The following IGFBP7 variants were observed in gnomAD, a reference collection of about 807,000 sequenced individuals.
The protein encoded by IGFBP7 is insulin-like growth factor-binding protein 7.
A neutral mutation model predicts 29.4 loss-of-function variants in IGFBP7; 31 were observed. That is an observed-to-expected ratio of 1.05 (90% CI 0.79 to 1.42). The LOEUF (loss-of-function observed/expected upper bound fraction) is 1.42, where lower values mean the gene tolerates loss of function less well. Among genes scored for constraint, IGFBP7 ranks in the 40% most tolerant of loss-of-function variants. The pLI is 0.00. For synonymous variants in IGFBP7, 172 were observed against 174.9 expected (o/e 0.98, Z 0.13); for missense variants, 393 against 395.5 (o/e 0.99, Z 0.05).
intron 1 of IGFBP7, among the ~76,000 whole-genome samples, chr4:57,048,066 T>A (rs1271036735): frequency 6.6e-6 from 1 of 151,188 alleles, no homozygotes; most frequent in Non-Finnish European, 1.5e-5. Flanking sequence ...CCCTTTTTTT[T>A]TTTGAGACGG....
intron 1 of IGFBP7, among the ~76,000 whole-genome samples, chr4:57,057,161 A>G (rs577905370): frequency 1.3e-5 from 2 of 152,260 alleles, no homozygotes; most frequent in South Asian, 4.1e-4. Context: ...ACATACCACC[A>G]TCCCTGGCTA....
At chr4:57,054,805 G>A (rs1378118632) in intron 1 of IGFBP7, among the ~76,000 whole-genome samples, 2 of 152,120 alleles carry the variant, frequency 1.3e-5, no homozygotes, top group Non-Finnish European at 2.9e-5. Context: ...AACTCCCTGG[G>A]AGGATGCTAC....
intron 1 of IGFBP7, among the ~76,000 whole-genome samples, chr4:57,083,988 G>A (rs1725436060): frequency 6.6e-6 from 1 of 152,138 alleles, no homozygotes; most frequent in Non-Finnish European, 1.5e-5. Context: ...ATTACTTTGT[G>A]TGAAAAGCAT....
At chr4:57,032,342 G>A (rs112110071) in intron 4 of IGFBP7, 84 bp downstream of exon 4, 18 of 1,552,122 alleles carry the variant, frequency 1.2e-5, no homozygotes, top group African/African-American at 4.1e-5. Flanking sequence ...CAATAGCTAC[G>A]TCTGATACTT....
chr4:57,105,108 T>C (rs369093830), intron 1 of IGFBP7, among the ~76,000 whole-genome samples: 2 of 152,188 alleles, frequency 1.3e-5, no homozygotes. Flanking sequence ...AGGTCTATAG[T>C]AGCCAACTTG....
At chr4:57,095,972 G>A (rs369811372) in intron 1 of IGFBP7, among the ~76,000 whole-genome samples, 26 of 152,088 alleles carry the variant, frequency 1.7e-4, no homozygotes, top group African/African-American at 4.8e-4. Context: ...AGTGCCTACC[G>A]TATCCCAAGG....
chr4:57,109,837 C>T (rs1726131189), intron 1 of IGFBP7, 40 bp downstream of exon 1: 5 of 1,521,766 alleles, frequency 3.3e-6, no homozygotes, highest in African/African-American at 1.4e-5. Flanking sequence ...TTCGCTGGGC[C>T]GAGCGGCGCA....
At chr4:57,055,354 A>T (rs995280267) in intron 1 of IGFBP7, among the ~76,000 whole-genome samples, 3 of 152,054 alleles carry the variant, frequency 2.0e-5, no homozygotes, top group African/African-American at 7.2e-5. Context: ...CTTAAAAAAA[A>T]CTCCCTAGGT....
chr4:57,068,787 C>T (rs925929887), intron 1 of IGFBP7, among the ~76,000 whole-genome samples: 1 of 152,188 alleles, frequency 6.6e-6, no homozygotes, highest in African/African-American at 2.4e-5. Context: ...GAGAAAGGGA[C>T]AGATTGTGTT....
chr4:57,039,643 C>T (rs1426042224), intron 2 of IGFBP7, among the ~76,000 whole-genome samples: 2 of 128,664 alleles, frequency 1.6e-5, no homozygotes, highest in Admixed American at 8.1e-5. Flanking sequence ...AATTCACACT[C>T]TTTTTTTTTT....
intron 1 of IGFBP7, among the ~76,000 whole-genome samples, chr4:57,078,712 A>G (rs1025755176): frequency 2.0e-5 from 3 of 150,794 alleles, no homozygotes; most frequent in Non-Finnish European, 4.4e-5. Context: ...GAGCTCTACC[A>G]TGTTCCTTTG....
chr4:57,041,693 G>A (rs1005183978), intron 1 of IGFBP7, among the ~76,000 whole-genome samples: 7 of 152,018 alleles, frequency 4.6e-5, no homozygotes, highest in South Asian at 2.1e-4. Context: ...GCACCACCAT[G>A]TCAGTTAATT....
intron 1 of IGFBP7, among the ~76,000 whole-genome samples, chr4:57,067,441 A>G (rs749800183): frequency 6.6e-6 from 1 of 152,252 alleles, no homozygotes; most frequent in Non-Finnish European, 1.5e-5. Context: ...GAAAGAAGCC[A>G]GTCCCAGAAG....
chr4:57,053,228 G>C (rs1167838630), intron 1 of IGFBP7, among the ~76,000 whole-genome samples: 1 of 152,092 alleles, frequency 6.6e-6, no homozygotes, highest in East Asian at 1.9e-4. Context: ...TGTTGATCAG[G>C]CTGATCTCGA....
chr4:57,078,062 C>T (rs1335006353), intron 1 of IGFBP7, among the ~76,000 whole-genome samples: 1 of 152,158 alleles, frequency 6.6e-6, no homozygotes. Context: ...CAACCACATT[C>T]TATTATCCTG....
chr4:57,072,058 G>A (rs114261024), intron 1 of IGFBP7, among the ~76,000 whole-genome samples: 7,118 of 152,004 alleles, frequency 0.047, 256 homozygotes, highest in Non-Finnish European at 0.071. Flanking sequence ...GTAAATTTGT[G>A]TCACGGGGGT....
At chr4:57,061,552 G>C (rs1177295872) in intron 1 of IGFBP7, among the ~76,000 whole-genome samples, 1 of 152,210 alleles carries the variant, frequency 6.6e-6, no homozygotes, top group East Asian at 1.9e-4. Context: ...ACTAATGAGT[G>C]GGTGGTGTTG....
chr4:57,070,532 A>G (rs1725030024), intron 1 of IGFBP7, among the ~76,000 whole-genome samples: 1 of 152,216 alleles, frequency 6.6e-6, no homozygotes, highest in Non-Finnish European at 1.5e-5. Flanking sequence ...CCATTTAAAA[A>G]TATTAGTTTG....
intron 1 of IGFBP7, among the ~76,000 whole-genome samples, chr4:57,092,497 T>A (rs1032721474): frequency 6.6e-6 from 1 of 152,148 alleles, no homozygotes; most frequent in African/African-American, 2.4e-5. Context: ...ATGGTCTCTA[T>A]GCCATTGAAG....
Sources: allele counts gnomAD v4.1 joint callset (sites outside exome capture counted in the v4.1 genomes callset), GRCh38; gene constraint gnomAD v4.1.1; transcripts MANE v1.5; gene names NCBI Gene and HGNC (gene_info 2026-07-23, HGNC 2026-07-21).